SLC39A11: variants seen among roughly 807,000 people sequenced by gnomAD.
SLC39A11 encodes the protein solute carrier family 39 member 11.
Under a neutral mutation model 36.1 loss-of-function variants are expected in SLC39A11, and 33 were observed. The observed-to-expected ratio is 0.91, with a 90% CI of 0.69 to 1.22. The LOEUF is 1.22. Ranked by LOEUF, SLC39A11 falls within the 50% of genes most tolerant of loss-of-function variation. The pLI, the probability that SLC39A11 is intolerant of heterozygous loss-of-function variation, is 0.00. For synonymous variants in SLC39A11, 166 were observed against 170.3 expected (o/e 0.97, Z 0.20); for missense variants, 432 against 430.3 (o/e 1.00, Z -0.03).
chr17:72,872,560 T>A (rs910630214), intron 5 of SLC39A11, among the ~76,000 whole-genome samples: 7 of 152,138 alleles, frequency 4.6e-5, no homozygotes, highest in African/African-American at 1.7e-4. Flanking sequence ...GTGATAGAAA[T>A]CTTACATAGC....
At chr17:72,894,099 C>G (rs895362738) in intron 5 of SLC39A11, among the ~76,000 whole-genome samples, 3 of 152,022 alleles carry the variant, frequency 2.0e-5, no homozygotes, top group Non-Finnish European at 4.4e-5. Flanking sequence ...TGGTGGCTCA[C>G]ATCTGTAATC....
At chr17:72,800,999 T>C (rs1434244459) in intron 6 of SLC39A11, among the ~76,000 whole-genome samples, 1 of 152,210 alleles carries the variant, frequency 6.6e-6, no homozygotes, top group African/African-American at 2.4e-5. Context: ...TACTGATACA[T>C]GCTACAACAC....
intron 4 of SLC39A11, among the ~76,000 whole-genome samples, chr17:73,022,479 C>T (rs2058383745): frequency 6.6e-6 from 1 of 151,554 alleles, no homozygotes; most frequent in South Asian, 2.1e-4. Flanking sequence ...CCTATAATAC[C>T]AGCTACCCAG....
At position 72,850,988 on chromosome 17, in the gene SLC39A11, C is replaced by T. The variant is rs748781811; in HGVS notation, c.431-1184G>A. 6.2e-4 allele frequency among the ~76,000 whole-genome samples: 94 copies of T among 152,024 alleles called. 1 individual carries two copies. The highest frequency in any genetic ancestry group is 2.6e-4 in the Admixed American group (4 of 15,250). On this transcript the variant is annotated intron_variant, in intron 5 of 9. Transcript: ENST00000255559. Reference sequence around the variant, plus strand: ...CGTGCAAGCTAAATCTGAAAAATCACGTGATGCGCGAGCAGCTCTGCCACA... The same window carrying T: ...CGTGCAAGCTAAATCTGAAAAATCATGTGATGCGCGAGCAGCTCTGCCACA...
At chr17:72,686,899 C>T (rs2071777413) in intron 7 of SLC39A11, among the ~76,000 whole-genome samples, 1 of 152,246 alleles carries the variant, frequency 6.6e-6, no homozygotes, top group South Asian at 2.1e-4. Context: ...CTTGTGTCAC[C>T]TGCTAGTCAT....
At chr17:72,939,974 T>C (rs2084996533) in intron 5 of SLC39A11, among the ~76,000 whole-genome samples, 1 of 152,242 alleles carries the variant, frequency 6.6e-6, no homozygotes, top group South Asian at 2.1e-4. Flanking sequence ...GCATTTCCTT[T>C]GAGCATCATG....
At chr17:72,869,184 A>G (rs1316424343) in intron 5 of SLC39A11, among the ~76,000 whole-genome samples, 2 of 152,200 alleles carry the variant, frequency 1.3e-5, no homozygotes, top group Non-Finnish European at 2.9e-5. Context: ...TGTCCTTCCC[A>G]AGTGGCACCA....
At chr17:72,900,821 A>G (rs934306970) in intron 5 of SLC39A11, among the ~76,000 whole-genome samples, 5 of 152,182 alleles carry the variant, frequency 3.3e-5, no homozygotes, top group Non-Finnish European at 4.4e-5. Flanking sequence ...AGCAGACACT[A>G]ATCATGAAAC....
At chr17:72,701,455 A>G (rs1419185789) in intron 7 of SLC39A11, among the ~76,000 whole-genome samples, 1 of 152,202 alleles carries the variant, frequency 6.6e-6, no homozygotes, top group African/African-American at 2.4e-5. Flanking sequence ...CTGGCTAGGC[A>G]TGGTAGCTCA....
intron 5 of SLC39A11, among the ~76,000 whole-genome samples, chr17:72,888,484 T>A (rs559841260): frequency 1.3e-5 from 2 of 152,350 alleles, no homozygotes; most frequent in Admixed American, 6.5e-5. Flanking sequence ...AAAGGCCTTC[T>A]GGAACCTCTT....
chr17:73,071,536 A>G (rs1028352190), intron 3 of SLC39A11, among the ~76,000 whole-genome samples: 7 of 152,216 alleles, frequency 4.6e-5, no homozygotes, highest in African/African-American at 1.4e-4. Flanking sequence ...GGAACACTGG[A>G]CATTCCAGAG....
At chr17:72,837,959 G>A (rs2078639920) in intron 6 of SLC39A11, 2 of 1,230,404 alleles carry the variant, frequency 1.6e-6, no homozygotes, top group African/African-American at 3.1e-5. Flanking sequence ...AAAGAGTGTG[G>A]GGTTTCTTTA....
intron 7 of SLC39A11, among the ~76,000 whole-genome samples, chr17:72,688,586 A>T (rs1039190307): frequency 4.6e-5 from 7 of 152,180 alleles, no homozygotes; most frequent in Non-Finnish European, 1.0e-4. Flanking sequence ...GTTTAACAGG[A>T]CTTCAGGTGG....
intron 6 of SLC39A11, among the ~76,000 whole-genome samples, chr17:72,741,938 G>A (rs2567473): frequency 0.64 from 96,527 of 151,992 alleles, 31,368 homozygotes; most frequent in Middle Eastern, 0.73. Flanking sequence ...AGTGGCTCCC[G>A]CGCCTGTAAT....
chr17:72,954,899 G>A (rs1245626105), intron 4 of SLC39A11, among the ~76,000 whole-genome samples: 1 of 152,188 alleles, frequency 6.6e-6, no homozygotes, highest in African/African-American at 2.4e-5. Context: ...GTGTCAGGCA[G>A]GTCACCGCTG....
intron 4 of SLC39A11, among the ~76,000 whole-genome samples, chr17:73,012,121 G>C (rs1420244286): frequency 4.0e-5 from 6 of 151,482 alleles, no homozygotes; most frequent in Non-Finnish European, 8.8e-5. Flanking sequence ...CCAAAAAATA[G>C]AAAAACTAGC....
intron 3 of SLC39A11, among the ~76,000 whole-genome samples, chr17:73,051,202 A>T (rs1451789978): frequency 6.6e-6 from 1 of 152,148 alleles, no homozygotes; most frequent in Non-Finnish European, 1.5e-5. Context: ...ACATCACTCC[A>T]GTCACCCGGC....
chr17:72,656,558 G>A lies in SLC39A11; in HGVS notation c.672-7290C>T, dbSNP rs575599000. ...GCGGGAAGGGAGGGTCGACAGGGCA[G>A]GGAGTCATTGGGGAGGAGGATGACT... On this transcript the variant is annotated intron_variant, in intron 7 of 9. Transcript: ENST00000255559. Among the ~76,000 whole-genome samples, 4 of 150,596 alleles carry A rather than the reference G, an allele frequency of 2.7e-5. No individual in the cohort carries two copies. The South Asian group carries it at 6.3e-4, about 24-fold the overall frequency.
intron 6 of SLC39A11, among the ~76,000 whole-genome samples, chr17:72,742,303 C>T (rs1447992430): frequency 6.6e-6 from 1 of 152,172 alleles, no homozygotes. Flanking sequence ...ACATCCTTTC[C>T]GTTAGGGAGG....
Sources: gnomAD v4.1 joint callset for allele counts (sites outside exome capture counted in the v4.1 genomes callset) on GRCh38, gnomAD v4.1.1 for gene constraint, MANE v1.5 for transcripts, NCBI Gene and HGNC (gene_info 2026-07-23, HGNC 2026-07-21) for gene names.